The following COG5 variants were observed in gnomAD, a reference collection of about 807,000 sequenced individuals.
The protein encoded by COG5 is component of oligomeric golgi complex 5.
Under a neutral mutation model 110.4 loss-of-function variants are expected in COG5, and 86 were observed. The observed-to-expected ratio is 0.78, with a 90% CI of 0.65 to 0.93. The LOEUF (loss-of-function observed/expected upper bound fraction) is 0.93. Among genes scored for constraint, COG5 ranks in the 40% least tolerant of loss-of-function variants. The probability of loss-of-function intolerance (pLI) is 0.00; values close to 1 mark genes in which losing one functional copy is unlikely to be tolerated. For synonymous variants in COG5, 360 were observed against 334.6 expected, an observed-to-expected ratio of 1.08 and a Z score of -0.83; for missense variants, 1,077 against 987.0, an observed-to-expected ratio of 1.09 and a Z score of -1.22.
chr7:107,557,671 A>C (rs1191094676), intron 2 of COG5, among the ~76,000 whole-genome samples: 1 of 152,222 alleles, frequency 6.6e-6, no homozygotes, highest in East Asian at 1.9e-4. Context: ...TTTACTTCCA[A>C]AATTCCATTT....
intron 12 of COG5, among the ~76,000 whole-genome samples, chr7:107,297,375 A>T (rs1244344110): frequency 6.6e-6 from 1 of 151,818 alleles, no homozygotes; most frequent in Non-Finnish European, 1.5e-5. Flanking sequence ...TTACCTAAAA[A>T]ACTTGAGCTT....
intron 6 of COG5, among the ~76,000 whole-genome samples, chr7:107,446,466 C>T (rs760162552): frequency 2.0e-5 from 3 of 152,202 alleles, no homozygotes; most frequent in Non-Finnish European, 2.9e-5. Context: ...ATGATCCCTG[C>T]GTCCTGGTAA....
intron 6 of COG5, among the ~76,000 whole-genome samples, chr7:107,424,803 A>G (rs964171636): frequency 1.3e-5 from 2 of 152,164 alleles, no homozygotes; most frequent in Admixed American, 6.5e-5. Flanking sequence ...TATATACATT[A>G]AAGTGTTTTG....
At position 107,509,212 on chromosome 7, in the gene COG5, G is replaced by A. The variant is rs1013879199; in HGVS notation, c.538+18025C>T. ...CAGAGAAGTCCTTAAAGGAGCTGAG[G>A]TAGCTGAAAGCCAAGGCTCAAGAAC... On this transcript the variant is annotated intron_variant, in intron 6 of 21. Coordinates refer to ENST00000297135, the MANE Select transcript of COG5 (RefSeq NM_006348.5). 2.6e-5 allele frequency among the ~76,000 whole-genome samples: 4 copies of A among 152,312 alleles called. 1 individual carries two copies. The South Asian group carries it at 8.3e-4, about 32-fold the overall frequency.
chr7:107,283,813 T>C lies in COG5; in HGVS notation c.1314-81A>G, dbSNP rs1584618994. ...TTGTATCAGGCTGTAAATACCTTTT[T>C]AAAAAATGCACCTCCCATAAAAATG... On this transcript the variant is annotated intron_variant, in intron 12 of 21. Coordinates refer to ENST00000297135, the MANE Select transcript of COG5 (RefSeq NM_006348.5). The C allele has an allele frequency of 1.9e-5, 18 of 971,510 alleles. No individual in the cohort carries two copies. In the East Asian group the frequency reaches 4.3e-4, roughly 23 times the overall value. The allele number at this position is 971,510 out of a possible 1,614,324, so 60.2% of individuals were successfully genotyped here.
chr7:107,208,093 C>T (rs1798905491), intron 21 of COG5: 32 of 985,260 alleles, frequency 3.2e-5, no homozygotes, highest in Non-Finnish European at 3.9e-5. Context: ...TGCAATAATA[C>T]ATAAGAAAGA....
intron 6 of COG5, among the ~76,000 whole-genome samples, chr7:107,413,323 A>G (rs558056758): frequency 1.3e-5 from 2 of 152,146 alleles, no homozygotes; most frequent in East Asian, 3.9e-4. Flanking sequence ...GGCCTTCATC[A>G]TATTATATAA....
intron 5 of COG5, among the ~76,000 whole-genome samples, chr7:107,531,140 G>A (rs1490442185): frequency 1.3e-5 from 2 of 149,838 alleles, no homozygotes; most frequent in African/African-American, 2.5e-5. Flanking sequence ...TTTTTTCATT[G>A]CAATTTGTTG....
At chr7:107,508,589 G>A (rs1437828852) in intron 6 of COG5, among the ~76,000 whole-genome samples, 1 of 152,250 alleles carries the variant, frequency 6.6e-6, no homozygotes, top group East Asian at 1.9e-4. Flanking sequence ...CTCCTCAAGT[G>A]GGTCCGTGAC....
At chr7:107,254,821 T>C (rs1008774582) in intron 16 of COG5, among the ~76,000 whole-genome samples, 2 of 152,212 alleles carry the variant, frequency 1.3e-5, no homozygotes. Flanking sequence ...GAAGGCACTC[T>C]GTCTTAATCC....
chr7:107,492,308 G>A (rs577374578), intron 6 of COG5, among the ~76,000 whole-genome samples: 6 of 151,910 alleles, frequency 3.9e-5, no homozygotes, highest in Admixed American at 6.6e-5. Flanking sequence ...TGTAACTGAC[G>A]TGGTACAAAT....
At chr7:107,204,158 T>C (rs796397665) in intron 21 of COG5, among the ~76,000 whole-genome samples, 1 of 152,234 alleles carries the variant, frequency 6.6e-6, no homozygotes, top group African/African-American at 2.4e-5. Context: ...GCAAAATACA[T>C]GATCGGGAAG....
chr7:107,204,581 C>T (rs1387421815), intron 21 of COG5, among the ~76,000 whole-genome samples: 1 of 152,182 alleles, frequency 6.6e-6, no homozygotes, highest in African/African-American at 2.4e-5. Flanking sequence ...TACCATTACT[C>T]AGCTCACATA....
intron 5 of COG5, among the ~76,000 whole-genome samples, chr7:107,530,130 T>C (rs1801092513): frequency 6.6e-6 from 1 of 152,230 alleles, no homozygotes; most frequent in Non-Finnish European, 1.5e-5. Flanking sequence ...ATACTTAATC[T>C]GTCACCAAGT....
intron 11 of COG5, among the ~76,000 whole-genome samples, chr7:107,299,280 C>T (rs1807034449): frequency 6.6e-6 from 1 of 151,934 alleles, no homozygotes; most frequent in South Asian, 2.1e-4. Flanking sequence ...AACTTCTAGC[C>T]AGATGGATTA....
chr7:107,297,296 A>C (rs1388812296), intron 12 of COG5, among the ~76,000 whole-genome samples: 7 of 152,244 alleles, frequency 4.6e-5, no homozygotes, highest in Non-Finnish European at 4.4e-5. Flanking sequence ...CATAGCATTT[A>C]CATTGTATTA....
At chr7:107,533,228 G>C (rs544974957) in intron 5 of COG5, among the ~76,000 whole-genome samples, 9 of 148,860 alleles carry the variant, frequency 6.0e-5, no homozygotes, top group South Asian at 4.3e-4. Flanking sequence ...GCACAAAAAG[G>C]CTGAAAATGC....
At chr7:107,541,649 T>C (rs193148127) in intron 5 of COG5, among the ~76,000 whole-genome samples, 6 of 149,766 alleles carry the variant, frequency 4.0e-5, no homozygotes, top group African/African-American at 7.3e-5. Flanking sequence ...ATGAAAACTA[T>C]AGGCCGGGGA....
intron 6 of COG5, among the ~76,000 whole-genome samples, chr7:107,481,766 A>G (rs1797364464): frequency 6.6e-6 from 1 of 152,158 alleles, no homozygotes. Flanking sequence ...CACTTCTTAT[A>G]AACAACAAAA....
Sources: gnomAD v4.1 joint callset for allele counts (sites outside exome capture counted in the v4.1 genomes callset) on GRCh38, gnomAD v4.1.1 for gene constraint, MANE v1.5 for transcripts, NCBI Gene and HGNC (gene_info 2026-07-23, HGNC 2026-07-21) for gene names.